PTPRD: variants seen among roughly 807,000 people sequenced by gnomAD.
The protein encoded by PTPRD is protein tyrosine phosphatase receptor type D.
In PTPRD, 34 loss-of-function variants were observed where a neutral mutation model predicts 214.5. The ratio of observed to expected loss-of-function variants is 0.16; its 90% CI spans 0.12 to 0.21. The LOEUF (loss-of-function observed/expected upper bound fraction) is 0.21. PTPRD is among the 10% of genes least tolerant of loss of function. The probability of loss-of-function intolerance (pLI) is 1.00; values close to 1 mark genes in which losing one functional copy is unlikely to be tolerated. For missense variants in PTPRD, 2,545 were observed against 2,398.7 expected, an observed-to-expected ratio of 1.06 and a Z score of -1.27; for synonymous variants, 1,128 against 845.7, an observed-to-expected ratio of 1.33 and a Z score of -5.79.
intron 4 of PTPRD, among the ~76,000 whole-genome samples, chr9:9,982,281 A>G (rs986039047): frequency 3.3e-5 from 5 of 152,284 alleles, no homozygotes; most frequent in African/African-American, 9.6e-5. Context: ...CAAGGACCAA[A>G]CAACACCCAT....
At chr9:10,497,145 T>C (rs563016387) in intron 2 of PTPRD, among the ~76,000 whole-genome samples, 2 of 151,758 alleles carry the variant, frequency 1.3e-5, no homozygotes, top group African/African-American at 4.8e-5. Context: ...TGCAGGCTAA[T>C]AGAGGGTGGA....
At chr9:9,713,408 T>C (rs1037053337) in intron 7 of PTPRD, among the ~76,000 whole-genome samples, 1 of 152,194 alleles carries the variant, frequency 6.6e-6, no homozygotes, top group Non-Finnish European at 1.5e-5. Flanking sequence ...CTATGCATTA[T>C]GGAGGACAGC....
chr9:9,615,154 A>T (rs1469151170), intron 7 of PTPRD, among the ~76,000 whole-genome samples: 1 of 152,076 alleles, frequency 6.6e-6, no homozygotes, highest in Non-Finnish European at 1.5e-5. Flanking sequence ...ATTTCCACAG[A>T]CACCTTGGAC....
chr9:10,479,481 T>C (rs1470982939), intron 2 of PTPRD, among the ~76,000 whole-genome samples: 1 of 151,992 alleles, frequency 6.6e-6, no homozygotes, highest in Admixed American at 6.6e-5. Flanking sequence ...CGACTTCAAC[T>C]TTAAACCACA....
At chr9:10,104,431 A>G (rs1188350367) in intron 3 of PTPRD, among the ~76,000 whole-genome samples, 1 of 151,822 alleles carries the variant, frequency 6.6e-6, no homozygotes, top group Non-Finnish European at 1.5e-5. Context: ...ATATGCACAC[A>G]CACATAATGC....
At chr9:9,662,387 A>G (rs945019973) in intron 7 of PTPRD, among the ~76,000 whole-genome samples, 26 of 151,806 alleles carry the variant, frequency 1.7e-4, no homozygotes, top group African/African-American at 6.0e-4. Context: ...TGATCATTTC[A>G]TTTGTGCCAC....
intron 7 of PTPRD, among the ~76,000 whole-genome samples, chr9:9,599,367 T>G (rs1345132370): frequency 6.6e-6 from 1 of 152,012 alleles, no homozygotes; most frequent in Non-Finnish European, 1.5e-5. Context: ...GGATTTTATC[T>G]GATACCAAGG....
chr9:8,367,165 TTAAAG>T (rs2080143164), intron 39 of PTPRD, among the ~76,000 whole-genome samples: 1 of 152,178 alleles, frequency 6.6e-6, no homozygotes, highest in Non-Finnish European at 1.5e-5. Flanking sequence ...AAGGTTATAA[TTAAAG>T]TAAGTCTCAC....
intron 10 of PTPRD, among the ~76,000 whole-genome samples, chr9:9,048,063 T>G (rs1199110814): frequency 6.6e-6 from 1 of 152,182 alleles, no homozygotes; most frequent in African/African-American, 2.4e-5. Context: ...TTGACATCAC[T>G]GATCATCAGA....
At chr9:9,371,620 T>G (rs1312866132) in intron 9 of PTPRD, among the ~76,000 whole-genome samples, 3 of 152,344 alleles carry the variant, frequency 2.0e-5, no homozygotes, top group Non-Finnish European at 4.4e-5. Flanking sequence ...CCTTCAGTTC[T>G]GCTCTGATCT....
rs1181768842 is a variant in PTPRD at position 9,479,228 on chromosome 9, C to CCACA, written c.-236-81750_-236-81747dup. ...ATACACACACACGCCCCCCCCCCCCCCACACACACACCCACCTCTAGCATT... is the reference window on the plus strand; with the variant it reads ...ATACACACACACGCCCCCCCCCCCCCCACACACACACACACCCACCTCTAGCATT... On this transcript the variant is annotated intron_variant, in intron 8 of 45. Coordinates refer to ENST00000381196, the MANE Select transcript of PTPRD (RefSeq NM_002839.4). Among the ~76,000 whole-genome samples the CCACA allele has an allele frequency of 3.9e-3, 429 of 110,376 alleles. 2 individuals carry two copies. The highest frequency in any genetic ancestry group is 5.0e-3 in the Non-Finnish European group (267 of 53,066). The allele number at this position is 110,376 out of a possible 152,430, so 72.4% of individuals were successfully genotyped here. A position where few individuals can be genotyped will look rare whatever the true frequency, so the allele number is the denominator to read the frequency against.
chr9:10,571,704 G>A (rs1019895111), intron 2 of PTPRD, among the ~76,000 whole-genome samples: 2 of 152,146 alleles, frequency 1.3e-5, no homozygotes, highest in African/African-American at 2.4e-5. Context: ...ATGGAAGACA[G>A]TTTTTCCGGG....
chr9:10,406,307 C>G (rs868132268), intron 2 of PTPRD, among the ~76,000 whole-genome samples: 9 of 151,302 alleles, frequency 5.9e-5, no homozygotes, highest in African/African-American at 2.2e-4. Context: ...TACCATATAA[C>G]CAGATTTAAT....
intron 3 of PTPRD, among the ~76,000 whole-genome samples, chr9:10,115,196 G>A (rs1452655089): frequency 1.3e-5 from 2 of 152,000 alleles, no homozygotes; most frequent in Non-Finnish European, 2.9e-5. Flanking sequence ...ATTTAAAAAT[G>A]TGGATTAGGT....
chr9:10,000,883 A>G (rs370939911), intron 4 of PTPRD, among the ~76,000 whole-genome samples: 2 of 152,150 alleles, frequency 1.3e-5, no homozygotes, highest in East Asian at 3.9e-4. Context: ...GCATATTAAG[A>G]GCCTGGGGTG....
chr9:10,052,758 T>C (rs976672535), intron 3 of PTPRD, among the ~76,000 whole-genome samples: 7 of 152,232 alleles, frequency 4.6e-5, no homozygotes, highest in Non-Finnish European at 1.0e-4. Context: ...TCGAAATTCT[T>C]TCTTTCTTCA....
In PTPRD at chr9:9,068,971, C is replaced by T. The variant is rs145384885; in HGVS notation, c.-142-50236G>A. ...TGAAAAATAATTTCCGGGTAATAGG[C>T]AAATATCTTCATTGTCTTCAATTCT... On this transcript the variant is annotated intron_variant, in intron 10 of 45. Transcript: ENST00000381196. 7.2e-5 allele frequency among the ~76,000 whole-genome samples: 11 copies of T among 152,124 alleles called. No individual in the cohort carries two copies. In the East Asian group the frequency reaches 2.1e-3, roughly 29 times the overall value.
chr9:9,943,556 C>T (rs547351220), intron 4 of PTPRD, among the ~76,000 whole-genome samples: 3 of 152,050 alleles, frequency 2.0e-5, no homozygotes, highest in Admixed American at 6.6e-5. Context: ...CAATGAATAG[C>T]GAACATGTAA....
At chr9:10,143,882 AGACACTG>A (rs1250201645) in intron 3 of PTPRD, among the ~76,000 whole-genome samples, 7 of 152,050 alleles carry the variant, frequency 4.6e-5, no homozygotes, top group Non-Finnish European at 1.0e-4. Context: ...AGATGGAAAG[AGACACTG>A]GGGGATGCAA....
Sources: gnomAD v4.1 joint callset for allele counts (sites outside exome capture counted in the v4.1 genomes callset) on GRCh38, gnomAD v4.1.1 for gene constraint, MANE v1.5 for transcripts, NCBI Gene and HGNC (gene_info 2026-07-23, HGNC 2026-07-21) for gene names.